UNC13C: variants seen among roughly 807,000 people sequenced by gnomAD.
UNC13C encodes unc-13 homolog C, also known as protein unc-13 homolog C.
A neutral mutation model predicts 245.4 loss-of-function variants in UNC13C; 174 were observed. The ratio of observed to expected loss-of-function variants is 0.71; its 90% CI spans 0.63 to 0.80. The LOEUF is 0.80. Ranked by LOEUF, UNC13C falls within the 30% of genes least tolerant of loss-of-function variation. The pLI is 0.00. For missense variants in UNC13C, 2,829 were observed against 2,602.9 expected (o/e 1.09, Z -1.89); for synonymous variants, 992 against 895.1 (o/e 1.11, Z -1.93).
chr15:53,905,563 AAAAAAATATAACTC>A, the UNC13C span, among the ~76,000 whole-genome samples: 7 of 152,098 alleles, frequency 4.6e-5, no homozygotes, highest in African/African-American at 1.7e-4. Context: ...TGTAGAATCT[AAAAAAATATAACTC>A]ATAAAATCAG....
At chr15:54,315,912 C>T (rs548873839) in intron 13 of UNC13C, among the ~76,000 whole-genome samples, 1 of 151,782 alleles carries the variant, frequency 6.6e-6, no homozygotes, top group East Asian at 2.0e-4. Flanking sequence ...TCCATTTCCT[C>T]CTCATCATCT....
chr15:54,475,682 C>T (rs1362199588), intron 19 of UNC13C, among the ~76,000 whole-genome samples: 1 of 146,822 alleles, frequency 6.8e-6, no homozygotes, highest in South Asian at 2.3e-4. Flanking sequence ...GTATATGTGC[C>T]ACATTTTCTT....
chr15:54,461,523 T>G (rs1162143378), intron 19 of UNC13C, among the ~76,000 whole-genome samples: 1 of 152,230 alleles, frequency 6.6e-6, no homozygotes, highest in Non-Finnish European at 1.5e-5. Flanking sequence ...TGATGTTCTT[T>G]AATCTCCATG....
intron 2 of UNC13C, among the ~76,000 whole-genome samples, chr15:54,027,747 G>A (rs1896177008): frequency 6.7e-6 from 1 of 149,952 alleles, no homozygotes; most frequent in Non-Finnish European, 1.5e-5. Flanking sequence ...CTCCTTAGCA[G>A]TTTATTTGAC....
the UNC13C span, among the ~76,000 whole-genome samples, chr15:53,942,852 G>A: frequency 4.6e-5 from 7 of 152,194 alleles, no homozygotes; most frequent in Middle Eastern, 3.4e-3. Flanking sequence ...TAGTAGACAC[G>A]GGGTTTCGCC....
At chr15:54,178,755 G>A (rs1472529771) in intron 4 of UNC13C, among the ~76,000 whole-genome samples, 1 of 152,120 alleles carries the variant, frequency 6.6e-6, no homozygotes, top group Non-Finnish European at 1.5e-5. Context: ...AATTCTGTTT[G>A]CCCCCTCACC....
the UNC13C span, among the ~76,000 whole-genome samples, chr15:53,961,800 A>G: frequency 2.0e-5 from 3 of 152,210 alleles, no homozygotes; most frequent in Non-Finnish European, 4.4e-5. Flanking sequence ...AAATACAAAT[A>G]TGTACAGTAG....
At chr15:53,855,532 T>C in the UNC13C span, among the ~76,000 whole-genome samples, 6 of 152,222 alleles carry the variant, frequency 3.9e-5, no homozygotes, top group Non-Finnish European at 5.9e-5. Context: ...CAAAGCCCTC[T>C]TCTGCATCTA....
chr15:54,072,744 TC>T (rs1595808903), intron 2 of UNC13C, among the ~76,000 whole-genome samples: 2 of 152,130 alleles, frequency 1.3e-5, no homozygotes, highest in African/African-American at 4.8e-5. Flanking sequence ...CACTTTTGAG[TC>T]CTCATAATGA....
intron 4 of UNC13C, among the ~76,000 whole-genome samples, chr15:54,222,439 T>TA (rs2035253919): frequency 1.3e-5 from 2 of 152,166 alleles, no homozygotes; most frequent in Admixed American, 1.3e-4. Flanking sequence ...CATTTGTTTT[T>TA]ATGGCTGAAT....
At chr15:54,601,462 G>C (rs1236300092) in intron 30 of UNC13C, among the ~76,000 whole-genome samples, 2 of 152,152 alleles carry the variant, frequency 1.3e-5, no homozygotes, top group Non-Finnish European at 2.9e-5. Flanking sequence ...AGGGAGCTTT[G>C]GTAGGATCTG....
At chr15:53,925,119 A>G in the UNC13C span, among the ~76,000 whole-genome samples, 2 of 152,196 alleles carry the variant, frequency 1.3e-5, no homozygotes, top group African/African-American at 4.8e-5. Context: ...AAAAAGGGGA[A>G]TCTGTTTACA....
the UNC13C span, among the ~76,000 whole-genome samples, chr15:53,965,562 ATTTATTT>A: frequency 3.1e-5 from 4 of 128,390 alleles, no homozygotes; most frequent in African/African-American, 1.4e-4. Context: ...TTATTTATTT[ATTTATTT>A]ATTATTATTA....
At chr15:54,439,512 C>G (rs1741623337) in intron 19 of UNC13C, among the ~76,000 whole-genome samples, 1 of 151,418 alleles carries the variant, frequency 6.6e-6, no homozygotes, top group South Asian at 2.1e-4. Flanking sequence ...TTTAAATTAC[C>G]AAGATCCTAC....
At chr15:54,030,559 T>C (rs898915648) in intron 2 of UNC13C, among the ~76,000 whole-genome samples, 17 of 152,210 alleles carry the variant, frequency 1.1e-4, no homozygotes, top group African/African-American at 4.1e-4. Context: ...ACAGCAAAAT[T>C]ATGTAGAAGT....
intron 26 of UNC13C, among the ~76,000 whole-genome samples, chr15:54,538,760 C>G (rs193050453): frequency 0.037 from 5,672 of 152,166 alleles, 350 homozygotes; most frequent in African/African-American, 0.13. Context: ...AAACCAAATA[C>G]TGCATGTTCT....
the UNC13C span, among the ~76,000 whole-genome samples, chr15:53,947,323 A>G: frequency 6.6e-6 from 1 of 152,252 alleles, no homozygotes; most frequent in Non-Finnish European, 1.5e-5. Context: ...AGAGCATAGT[A>G]TAATGTGGCA....
chr15:54,155,919 G>A (rs150496026), intron 4 of UNC13C, among the ~76,000 whole-genome samples: 190 of 152,312 alleles, frequency 1.2e-3, no homozygotes, highest in African/African-American at 4.5e-3. Context: ...TAGTATGTCC[G>A]ATCATGTGGA....
In UNC13C at chr15:54,519,441, A is replaced by G. The variant is rs141063726; in HGVS notation, c.5458-6108A>G. Among the ~76,000 whole-genome samples, 1,110 of 152,242 alleles carry G rather than the reference A, an allele frequency of 7.3e-3. 10 individuals are homozygous for G. The highest frequency in any genetic ancestry group is 0.013 in the Non-Finnish European group (877 of 68,004). ...TCTAGACTGAAGAACCTCATTTAAC[A>G]TATCTCAAAGGCATTTTGTTGATTT... On this transcript the variant is annotated intron_variant, in intron 24 of 32. Transcript: ENST00000260323.
Sources: gnomAD v4.1 joint callset for allele counts (sites outside exome capture counted in the v4.1 genomes callset) on GRCh38, gnomAD v4.1.1 for gene constraint, MANE v1.5 for transcripts, NCBI Gene and HGNC (gene_info 2026-07-23, HGNC 2026-07-21) for gene names.